Variants in XKR6 observed in about 807,000 individuals in gnomAD.
XKR6 encodes the protein XK-related protein 6.
In XKR6, 22 loss-of-function variants were observed where a neutral mutation model predicts 56.7. The ratio of observed to expected loss-of-function variants is 0.39; its 90% CI spans 0.28 to 0.55. XKR6 has a LOEUF of 0.55. XKR6 is among the 20% of genes least tolerant of loss of function. The pLI is 0.66. For synonymous variants in XKR6, 524 were observed against 387.8 expected, an observed-to-expected ratio of 1.35 and a Z score of -4.13; for missense variants, 852 against 889.0, an observed-to-expected ratio of 0.96 and a Z score of 0.53.
intron 1 of XKR6, among the ~76,000 whole-genome samples, chr8:11,100,454 T>C (rs1475031942): frequency 1.3e-5 from 2 of 152,208 alleles, no homozygotes; most frequent in Non-Finnish European, 2.9e-5. Context: ...GTTCCACTCA[T>C]TGTGTTTAGT....
intron 1 of XKR6, among the ~76,000 whole-genome samples, chr8:11,178,547 A>AATATATAT (rs373879147): frequency 1.7e-4 from 15 of 88,498 alleles, no homozygotes; most frequent in Admixed American, 4.2e-4. Context: ...GAGAGGTAAA[A>AATATATAT]ATATATATAT....
At chr8:10,975,957 G>A (rs974277754) in intron 1 of XKR6, among the ~76,000 whole-genome samples, 4 of 152,144 alleles carry the variant, frequency 2.6e-5, no homozygotes, top group African/African-American at 4.8e-5. Flanking sequence ...GGCAGATCAC[G>A]AGATCAGGAG....
At chr8:11,110,437 T>C (rs1368268179) in intron 1 of XKR6, among the ~76,000 whole-genome samples, 1 of 152,184 alleles carries the variant, frequency 6.6e-6, no homozygotes, top group East Asian at 1.9e-4. Flanking sequence ...TGCTATACAC[T>C]AGTTTCGGAA....
intron 1 of XKR6, among the ~76,000 whole-genome samples, chr8:11,038,310 C>A (rs1799197339): frequency 6.6e-6 from 1 of 152,140 alleles, no homozygotes; most frequent in South Asian, 2.1e-4. Context: ...ATTTAGGACA[C>A]CCCGCTCATT....
At chr8:11,157,211 G>C (rs1285707050) in intron 1 of XKR6, among the ~76,000 whole-genome samples, 1 of 152,192 alleles carries the variant, frequency 6.6e-6, no homozygotes, top group Non-Finnish European at 1.5e-5. Flanking sequence ...TTGCAGCGCA[G>C]AGGAGACAGA....
chr8:10,998,860 A>T (rs1258455966), intron 1 of XKR6, among the ~76,000 whole-genome samples: 11 of 152,210 alleles, frequency 7.2e-5, no homozygotes, highest in Non-Finnish European at 4.4e-5. Flanking sequence ...GCATGGCAGC[A>T]AGGGAGAAGA....
At chr8:11,188,517 C>G (rs1374990980) in intron 1 of XKR6, among the ~76,000 whole-genome samples, 1 of 152,166 alleles carries the variant, frequency 6.6e-6, no homozygotes, top group Non-Finnish European at 1.5e-5. Context: ...ATACCATCAC[C>G]CTCTAGGCCC....
intron 1 of XKR6, among the ~76,000 whole-genome samples, chr8:11,147,038 T>C (rs74905244): frequency 0.052 from 7,893 of 152,036 alleles, 672 homozygotes; most frequent in African/African-American, 0.18. Context: ...CTGTGTGGTA[T>C]ACTTAAAATT....
chr8:11,049,729 A>T (rs980433841), intron 1 of XKR6, among the ~76,000 whole-genome samples: 3 of 152,194 alleles, frequency 2.0e-5, no homozygotes, highest in Non-Finnish European at 4.4e-5. Context: ...AACCAAAAAC[A>T]TTCTCTCAAT....
intron 1 of XKR6, among the ~76,000 whole-genome samples, chr8:11,154,062 C>G (rs1297054408): frequency 6.6e-6 from 1 of 152,184 alleles, no homozygotes; most frequent in Non-Finnish European, 1.5e-5. Flanking sequence ...GAAGAGACAT[C>G]TGGCCTTTGC....
At chr8:10,909,211 C>G (rs1800278086) in intron 2 of XKR6, among the ~76,000 whole-genome samples, 1 of 151,972 alleles carries the variant, frequency 6.6e-6, no homozygotes, top group Admixed American at 6.6e-5. Flanking sequence ...CTCTCTCTCT[C>G]TCTTTCCCCG....
At chr8:11,040,297 G>C (rs905164606) in intron 1 of XKR6, among the ~76,000 whole-genome samples, 1 of 151,102 alleles carries the variant, frequency 6.6e-6, no homozygotes, top group African/African-American at 2.4e-5. Flanking sequence ...CGAAGCAGGA[G>C]GATTGCTTGA....
At chr8:11,045,741 T>C (rs1354686305) in intron 1 of XKR6, among the ~76,000 whole-genome samples, 1 of 152,174 alleles carries the variant, frequency 6.6e-6, no homozygotes, top group African/African-American at 2.4e-5. Context: ...CCTGCTCCCT[T>C]CCTTATTGAA....
At chr8:11,083,043 TC>T (rs1195742189) in intron 1 of XKR6, among the ~76,000 whole-genome samples, 1 of 152,224 alleles carries the variant, frequency 6.6e-6, no homozygotes, top group Non-Finnish European at 1.5e-5. Flanking sequence ...TTTAGAATCC[TC>T]CTGCCCTGAG....
intron 1 of XKR6, among the ~76,000 whole-genome samples, chr8:11,116,669 C>G (rs1323238057): frequency 6.6e-6 from 1 of 152,152 alleles, no homozygotes; most frequent in African/African-American, 2.4e-5. Flanking sequence ...CTACACCAGG[C>G]CTATTTGCTA....
chr8:11,179,622 G>A (rs926596952), intron 1 of XKR6, among the ~76,000 whole-genome samples: 3 of 152,256 alleles, frequency 2.0e-5, no homozygotes, highest in East Asian at 3.9e-4. Flanking sequence ...TTCATCAGGG[G>A]ACTCCTCCAC....
At chr8:10,920,246 G>A (rs544437906) in intron 2 of XKR6, among the ~76,000 whole-genome samples, 1 of 152,268 alleles carries the variant, frequency 6.6e-6, no homozygotes, top group East Asian at 1.9e-4. Context: ...GGCGAATTCA[G>A]AAGGTCCATC....
chr8:10,927,672 G>T (rs1800932475), intron 1 of XKR6, among the ~76,000 whole-genome samples: 1 of 152,144 alleles, frequency 6.6e-6, no homozygotes, highest in Non-Finnish European at 1.5e-5. Context: ...TGCCCACCAA[G>T]GCCGGGGCAA....
chr8:10,944,430 G>A (rs1358787169), intron 1 of XKR6, among the ~76,000 whole-genome samples: 2 of 152,202 alleles, frequency 1.3e-5, no homozygotes, highest in Admixed American at 1.3e-4. Flanking sequence ...GCACACAGAA[G>A]GCAAGGGTTG....
Sources: gnomAD v4.1 joint callset for allele counts (sites outside exome capture counted in the v4.1 genomes callset) on GRCh38, gnomAD v4.1.1 for gene constraint, MANE v1.5 for transcripts, NCBI Gene and HGNC (gene_info 2026-07-23, HGNC 2026-07-21) for gene names.